The following ASIC2 variants were observed in gnomAD, a reference collection of about 807,000 sequenced individuals.
The protein encoded by ASIC2 is acid sensing ion channel subunit 2, also known as acid-sensing ion channel 2.
In ASIC2, 25 loss-of-function variants were observed where a neutral mutation model predicts 57.3. The observed-to-expected ratio is 0.44, with a 90% CI of 0.32 to 0.61. ASIC2 has a LOEUF of 0.61. ASIC2 is among the 20% of genes least tolerant of loss of function. The pLI is 0.06. For synonymous variants in ASIC2, 319 were observed against 307.5 expected, an observed-to-expected ratio of 1.04 and a Z score of -0.39; for missense variants, 641 against 738.1, an observed-to-expected ratio of 0.87 and a Z score of 1.52.
chr17:33,900,709 G>A (rs1212756726), intron 1 of ASIC2, among the ~76,000 whole-genome samples: 1 of 152,142 alleles, frequency 6.6e-6, no homozygotes, highest in Non-Finnish European at 1.5e-5. Context: ...TACTCATTGA[G>A]GTGTAAACAG....
intron 1 of ASIC2, among the ~76,000 whole-genome samples, chr17:34,017,046 C>A (rs550667425): frequency 1.6e-4 from 25 of 152,230 alleles, no homozygotes; most frequent in African/African-American, 6.0e-4. Flanking sequence ...TTTATTGCAC[C>A]ATGATTTAAT....
Position 33,182,854 on chromosome 17 carries a change from T to A in ASIC2, c.709-70787A>T, listed in dbSNP as rs541729525. Among the ~76,000 whole-genome samples the A allele has an allele frequency of 5.3e-5, 8 of 152,244 alleles. No homozygotes were observed. In the East Asian group the frequency reaches 1.4e-3, roughly 26 times the overall value. On this transcript the variant is annotated intron_variant, in intron 1 of 9. Coordinates refer to ENST00000225823, the MANE Select transcript of ASIC2 (RefSeq NM_183377.2). Reference sequence around the variant, plus strand: ...GAAGTAAATTCGTTCCCGCCCAAACTCGCCCAGGTTTCCAACAAAATCCTT... The same window carrying A: ...GAAGTAAATTCGTTCCCGCCCAAACACGCCCAGGTTTCCAACAAAATCCTT...
chr17:33,771,058 G>A lies in ASIC2; in HGVS notation c.555+384920C>T, dbSNP rs530666978. On this transcript the variant is annotated intron_variant, in intron 1 of 9. Coordinates refer to the ASIC2 transcript ENST00000359872. ...TATTGCTCACAATGTAACAGGCACT[G>A]AACTAAGAGCTCTGTCCTCAAGTGA... is the stretch of plus-strand genomic sequence containing the variant. 5.9e-5 allele frequency among the ~76,000 whole-genome samples: 9 copies of A among 152,316 alleles called. No individual in the cohort carries two copies. In the East Asian group the frequency reaches 1.7e-3, roughly 29 times the overall value.
intron 1 of ASIC2, among the ~76,000 whole-genome samples, chr17:34,076,072 G>C (rs1567810895): frequency 6.6e-6 from 1 of 151,390 alleles, no homozygotes; most frequent in Non-Finnish European, 1.5e-5. Flanking sequence ...GCATGATCTC[G>C]GCTCACTGCA....
chr17:33,549,491 C>G (rs572797641), intron 1 of ASIC2, among the ~76,000 whole-genome samples: 1 of 152,170 alleles, frequency 6.6e-6, no homozygotes, highest in Non-Finnish European at 1.5e-5. Flanking sequence ...CTCACCTCCT[C>G]TCTTAATTTT....
intron 1 of ASIC2, among the ~76,000 whole-genome samples, chr17:33,506,663 G>T (rs1914273411): frequency 6.6e-6 from 1 of 152,218 alleles, no homozygotes. Flanking sequence ...TTATTGAAAA[G>T]AATCACTAAA....
intron 1 of ASIC2, among the ~76,000 whole-genome samples, chr17:33,333,245 C>A (rs1016940705): frequency 3.9e-5 from 6 of 152,174 alleles, no homozygotes; most frequent in African/African-American, 1.4e-4. Flanking sequence ...TTCACTTTGA[C>A]CAAGTAATTT....
At chr17:33,390,406 G>C (rs895958845) in intron 1 of ASIC2, among the ~76,000 whole-genome samples, 3 of 152,008 alleles carry the variant, frequency 2.0e-5, no homozygotes. Flanking sequence ...CAATTGTTTT[G>C]TTTGTATTCA....
intron 1 of ASIC2, among the ~76,000 whole-genome samples, chr17:33,268,674 A>G (rs534453125): frequency 6.6e-6 from 1 of 152,278 alleles, no homozygotes; most frequent in Admixed American, 6.5e-5. Flanking sequence ...AGTTTGAAGG[A>G]CACTAACACA....
intron 5 of ASIC2, among the ~76,000 whole-genome samples, 181 bp downstream of exon 5, chr17:33,025,742 CTCT>C (rs1234602989): frequency 6.6e-6 from 1 of 152,102 alleles, no homozygotes; most frequent in Non-Finnish European, 1.5e-5. Context: ...TCCCAACCTT[CTCT>C]TCTTCCTCCT....
intron 1 of ASIC2, among the ~76,000 whole-genome samples, chr17:33,647,560 C>T (rs1906783730): frequency 6.6e-6 from 1 of 152,206 alleles, no homozygotes. Flanking sequence ...ACCAGCAGGG[C>T]TGAGACCCCA....
intron 1 of ASIC2, among the ~76,000 whole-genome samples, chr17:33,127,668 T>G (rs1487910940): frequency 6.6e-6 from 1 of 152,184 alleles, no homozygotes; most frequent in Non-Finnish European, 1.5e-5. Context: ...AAAATGTCGC[T>G]CTAGTTAGTT....
At chr17:33,873,646 G>T (rs973537987) in intron 1 of ASIC2, among the ~76,000 whole-genome samples, 3 of 152,182 alleles carry the variant, frequency 2.0e-5, no homozygotes, top group African/African-American at 7.2e-5. Context: ...TTGTTGTAAA[G>T]ATTAAAACGG....
intron 1 of ASIC2, among the ~76,000 whole-genome samples, chr17:33,246,587 G>T (rs1033791799): frequency 6.6e-6 from 1 of 152,218 alleles, no homozygotes; most frequent in African/African-American, 2.4e-5. Context: ...GCGCGGCGGG[G>T]TTCACCCCTG....
chr17:33,540,696 C>T (rs910896502), intron 1 of ASIC2, among the ~76,000 whole-genome samples: 1 of 152,088 alleles, frequency 6.6e-6, no homozygotes, highest in African/African-American at 2.4e-5. Flanking sequence ...TATAGGTTTC[C>T]CTACTTGATG....
intron 1 of ASIC2, among the ~76,000 whole-genome samples, chr17:33,206,053 G>A (rs1208301394): frequency 1.3e-5 from 2 of 152,204 alleles, no homozygotes; most frequent in African/African-American, 2.4e-5. Context: ...AGTAGCACCT[G>A]TAATGAAACT....
chr17:33,675,519 C>T (rs776161645), intron 1 of ASIC2, among the ~76,000 whole-genome samples: 1 of 152,158 alleles, frequency 6.6e-6, no homozygotes, highest in South Asian at 2.1e-4. Flanking sequence ...ATGAGCTTCA[C>T]GGCCTCCCAC....
chr17:33,273,782 A>G (rs4795760), intron 1 of ASIC2, among the ~76,000 whole-genome samples: 57,609 of 151,718 alleles, frequency 0.38, 11,047 homozygotes, highest in Admixed American at 0.43. Context: ...GCCTCTCAAG[A>G]TGCCAGTCCT....
chr17:33,677,530 A>G (rs552544910), intron 1 of ASIC2, among the ~76,000 whole-genome samples: 4 of 152,364 alleles, frequency 2.6e-5, no homozygotes, highest in Admixed American at 6.5e-5. Context: ...TCACCATTCT[A>G]GATGCCATTA....
Sources: allele counts gnomAD v4.1 joint callset (sites outside exome capture counted in the v4.1 genomes callset), GRCh38; gene constraint gnomAD v4.1.1; transcripts MANE v1.5; gene names NCBI Gene and HGNC (gene_info 2026-07-23, HGNC 2026-07-21).